The following ZFAND3 variants were observed in gnomAD, a reference collection of about 807,000 sequenced individuals.
ZFAND3 encodes the protein AN1-type zinc finger protein 3.
In ZFAND3, 10 loss-of-function variants were observed where a neutral mutation model predicts 29.6. That is an observed-to-expected ratio of 0.34 (90% CI 0.21 to 0.57). ZFAND3 has a LOEUF of 0.57. Among genes scored for constraint, ZFAND3 ranks in the 20% least tolerant of loss-of-function variants. ZFAND3 has a pLI of 0.86. For missense variants in ZFAND3, 230 were observed against 304.5 expected (o/e 0.76, Z 1.82); for synonymous variants, 128 against 112.6 (o/e 1.14, Z -0.87).
At chr6:38,092,451 G>A (rs9369033) in intron 4 of ZFAND3, among the ~76,000 whole-genome samples, 46,009 of 152,158 alleles carry the variant, frequency 0.3, 7,514 homozygotes, top group East Asian at 0.57. Flanking sequence ...TTCAAAAAGT[G>A]AAGAACAGGA....
At chr6:37,853,638 A>G (rs756255821) in intron 1 of ZFAND3, among the ~76,000 whole-genome samples, 2 of 152,174 alleles carry the variant, frequency 1.3e-5, no homozygotes, top group Non-Finnish European at 2.9e-5. Context: ...ATTATATTCT[A>G]AAAGGGAACT....
intron 1 of ZFAND3, among the ~76,000 whole-genome samples, chr6:37,840,715 G>A (rs1238280195): frequency 6.6e-6 from 1 of 152,128 alleles, no homozygotes; most frequent in East Asian, 1.9e-4. Context: ...TTGAACATGG[G>A]ATATATTTTC....
intron 2 of ZFAND3, among the ~76,000 whole-genome samples, chr6:37,993,542 G>A (rs1420279937): frequency 6.6e-6 from 1 of 152,030 alleles, no homozygotes; most frequent in African/African-American, 2.4e-5. Context: ...GGCCAGGCTG[G>A]TCTTGAACTC....
intron 1 of ZFAND3, among the ~76,000 whole-genome samples, chr6:37,911,398 TCTTG>T (rs1262223607): frequency 6.6e-6 from 1 of 152,252 alleles, no homozygotes; most frequent in Non-Finnish European, 1.5e-5. Flanking sequence ...TTATCTGTTT[TCTTG>T]CTATTGAGTT....
Position 37,819,894 on chromosome 6 carries a change from GCCCAGCCGCCGCCAC to G in ZFAND3, c.-50_-36del. On this transcript the variant is annotated 5_prime_UTR_variant, in exon 1 of 6. Coordinates refer to ENST00000287218, the MANE Select transcript of ZFAND3 (RefSeq NM_021943.3). The stretch of plus-strand genomic sequence containing the variant: ...ACCGCCTCCTCAGAGCGGGGCCCGG[GCCCAGCCGCCGCCAC>G]CGCTGCCGCCGCCGAGCTCCGCCGC... 8.7e-7 allele frequency: 1 copy of G among 1,147,014 alleles called. No individual in the cohort carries two copies. Among genetic ancestry groups the G allele is most frequent in the African/African-American group, 1.6e-5 (1 of 61,894 alleles). The allele number at this position is 1,147,014 out of a possible 1,614,324, so 71.1% of individuals were successfully genotyped here.
chr6:38,042,022 G>A (rs1763799493), intron 2 of ZFAND3, among the ~76,000 whole-genome samples: 1 of 149,478 alleles, frequency 6.7e-6, no homozygotes, highest in Non-Finnish European at 1.5e-5. Context: ...GGGAGGGGGA[G>A]AGACAGGGTT....
At chr6:38,055,787 A>G (rs1432203835) in intron 2 of ZFAND3, among the ~76,000 whole-genome samples, 3 of 152,238 alleles carry the variant, frequency 2.0e-5, no homozygotes, top group Admixed American at 2.0e-4. Flanking sequence ...GCCGACCCAC[A>G]TGATGCTAAG....
chr6:38,000,590 T>C (rs1028681266), intron 2 of ZFAND3, among the ~76,000 whole-genome samples: 7 of 152,102 alleles, frequency 4.6e-5, no homozygotes, highest in African/African-American at 1.7e-4. Flanking sequence ...TTAACTTATT[T>C]ACTGTCAGGA....
chr6:38,064,779 A>G (rs1315731546), intron 3 of ZFAND3, among the ~76,000 whole-genome samples: 2 of 149,794 alleles, frequency 1.3e-5, no homozygotes, highest in South Asian at 2.1e-4. Flanking sequence ...GCTTTGAACC[A>G]TTGTATGTTT....
chr6:37,982,892 G>C (rs1762603776), intron 2 of ZFAND3, among the ~76,000 whole-genome samples: 1 of 152,158 alleles, frequency 6.6e-6, no homozygotes, highest in African/African-American at 2.4e-5. Flanking sequence ...TGTGGAGGTG[G>C]AAGACAGTGA....
intron 5 of ZFAND3, among the ~76,000 whole-genome samples, chr6:38,121,109 T>G (rs1765525317): frequency 6.6e-6 from 1 of 152,130 alleles, no homozygotes; most frequent in Non-Finnish European, 1.5e-5. Context: ...ATCCCAACAC[T>G]TTAGGAGGCC....
At chr6:38,116,195 A>G (rs759483810) in intron 4 of ZFAND3, among the ~76,000 whole-genome samples, 17 of 152,236 alleles carry the variant, frequency 1.1e-4, no homozygotes, top group Non-Finnish European at 2.4e-4. Flanking sequence ...GCCCAAGAAA[A>G]GATATCTAAC....
At chr6:37,822,376 C>T (rs1372395387) in intron 1 of ZFAND3, among the ~76,000 whole-genome samples, 2 of 152,128 alleles carry the variant, frequency 1.3e-5, no homozygotes, top group Non-Finnish European at 2.9e-5. Context: ...TTCCTAAGGA[C>T]GTTTGTAGAC....
chr6:38,089,667 C>T (rs1047235633), intron 4 of ZFAND3, among the ~76,000 whole-genome samples: 11 of 152,092 alleles, frequency 7.2e-5, no homozygotes, highest in South Asian at 2.1e-4. Flanking sequence ...GAAGTGGCCC[C>T]GTAAATCTTG....
At chr6:38,147,998 G>A (rs1766144823) in intron 5 of ZFAND3, among the ~76,000 whole-genome samples, 2 of 152,058 alleles carry the variant, frequency 1.3e-5, no homozygotes, top group African/African-American at 2.4e-5. Context: ...TTTGTTGCCT[G>A]TGCTTTTGAG....
At chr6:37,932,894 A>G (rs180918283) in intron 2 of ZFAND3, among the ~76,000 whole-genome samples, 1 of 152,342 alleles carries the variant, frequency 6.6e-6, no homozygotes, top group East Asian at 1.9e-4. Context: ...TTTTTTACCT[A>G]CACACTACTG....
At chr6:37,884,857 A>G (rs1043203084) in intron 1 of ZFAND3, among the ~76,000 whole-genome samples, 3 of 152,226 alleles carry the variant, frequency 2.0e-5, no homozygotes, top group Admixed American at 1.3e-4. Context: ...CCCTTGCCAG[A>G]TAGGACTAGT....
intron 1 of ZFAND3, among the ~76,000 whole-genome samples, chr6:37,842,293 CT>C: frequency 6.6e-6 from 1 of 152,276 alleles, no homozygotes; most frequent in Admixed American, 6.5e-5. Flanking sequence ...CCTCATGTCC[CT>C]TCCTAGTCAG....
chr6:37,864,576 T>C (rs1435853895), intron 1 of ZFAND3, among the ~76,000 whole-genome samples: 1 of 152,178 alleles, frequency 6.6e-6, no homozygotes, highest in African/African-American at 2.4e-5. Flanking sequence ...TCTTTTTTCC[T>C]GTGGAACATG....
Sources: gnomAD v4.1 joint callset for allele counts (sites outside exome capture counted in the v4.1 genomes callset) on GRCh38, gnomAD v4.1.1 for gene constraint, MANE v1.5 for transcripts, NCBI Gene and HGNC (gene_info 2026-07-23, HGNC 2026-07-21) for gene names.